PFKP: variants seen among roughly 807,000 people sequenced by gnomAD.
PFKP encodes ATP-dependent 6-phosphofructokinase, platelet type.
A neutral mutation model predicts 94.3 loss-of-function variants in PFKP; 101 were observed. That is an observed-to-expected ratio of 1.07 (90% confidence interval 0.91 to 1.26). The LOEUF (loss-of-function observed/expected upper bound fraction) is 1.26. Among genes scored for constraint, PFKP ranks in the 50% most tolerant of loss-of-function variants. The probability of loss-of-function intolerance (pLI) is 0.00; values close to 1 mark genes in which losing one functional copy is unlikely to be tolerated. For synonymous variants in PFKP, 573 were observed against 432.6 expected (o/e 1.32, Z -4.03); for missense variants, 1,145 against 1,103.3 (o/e 1.04, Z -0.53).
intron 2 of PFKP, among the ~76,000 whole-genome samples, chr10:3,084,504 T>C (rs1008108757): frequency 6.6e-6 from 1 of 152,216 alleles, no homozygotes; most frequent in African/African-American, 2.4e-5. Context: ...TTTGTATTTA[T>C]GCGATTTGGG....
rs1055555558 is a variant in PFKP at position 3,125,352 on chromosome 10, C to T, written c.1684-4467C>T. The T allele has an allele frequency of 4.8e-5, 43 of 895,198 alleles. 1 individual carries two copies. Among genetic ancestry groups the T allele is most frequent in the Non-Finnish European group, 6.2e-5 (43 of 692,128 alleles). The allele number at this position is 895,198 out of a possible 1,614,324, so 55.5% of individuals were successfully genotyped here. On this transcript the variant is annotated intron_variant, in intron 16 of 21. Coordinates refer to ENST00000381125, the MANE Select transcript of PFKP (RefSeq NM_002627.5). ...CCGGATTTATTCTTCTTCTTTTCTC[C>T]CCTTTGTTAGCTTGGCTTTATGTCA...
In PFKP at chr10:3,077,261, C is replaced by CTTTTTTTTTTTTTT. The variant is rs34485324; in HGVS notation, c.113-5121_113-5108dup. Among the ~76,000 whole-genome samples, 17 of 84,238 alleles carry CTTTTTTTTTTTTTT rather than the reference C, an allele frequency of 2.0e-4. 1 individual carries two copies. Among genetic ancestry groups the CTTTTTTTTTTTTTT allele is most frequent in the Non-Finnish European group, 2.3e-4 (11 of 47,826 alleles). 55.3% of individuals were successfully genotyped at this position (84,238 alleles called of 152,430 possible). On this transcript the variant is annotated intron_variant, in intron 1 of 21. Coordinates refer to ENST00000381125, the MANE Select transcript of PFKP (RefSeq NM_002627.5). ...CATCTATTCTTTACTTTTTTTTTTT[C>CTTTTTTTTTTTTTT]TTTTTTTTTTTTTTTTTTTGAGATG...
chr10:3,109,310 G>A, intron 9 of PFKP, 45 bp from the exon 10 acceptor site: 1 of 1,602,926 alleles, frequency 6.2e-7, no homozygotes, highest in Non-Finnish European at 8.5e-7. Context: ...CAGGGACAGG[G>A]CAGGACGGGA....
intron 1 of PFKP, among the ~76,000 whole-genome samples, chr10:3,072,351 T>C (rs956908570): frequency 2.6e-5 from 4 of 152,236 alleles, no homozygotes; most frequent in African/African-American, 9.6e-5. Flanking sequence ...GCACCTTTGG[T>C]GTCTGAAGCA....
intron 1 of PFKP, among the ~76,000 whole-genome samples, chr10:3,074,186 T>G (rs1220998497): frequency 6.6e-6 from 1 of 152,206 alleles, no homozygotes; most frequent in African/African-American, 2.4e-5. Flanking sequence ...CAGACTGCCT[T>G]GGGTGAGTCA....
In PFKP at chr10:3,067,727, C is replaced by A; in HGVS notation, c.112+20C>A. ...CTCAAGGTGCGCGCCCCCCTCCCGG[C>A]GGCGAGGGAGGGACGGACGGACGGA... On this transcript the variant is annotated intron_variant, in intron 1 of 21. Coordinates refer to ENST00000381125, the MANE Select transcript of PFKP (RefSeq NM_002627.5). The A allele has an allele frequency of 2.2e-6, 3 of 1,351,362 alleles. No individual in the cohort carries two copies. Among genetic ancestry groups the A allele is most frequent in the Non-Finnish European group, 3.0e-6 (3 of 1,003,550 alleles). 83.7% of individuals were successfully genotyped at this position (1,351,362 alleles called of 1,614,324 possible).
At chr10:3,107,682 G>A in intron 8 of PFKP, 3 of 954,428 alleles carry the variant, frequency 3.1e-6, no homozygotes, top group Non-Finnish European at 3.7e-6. Context: ...TGCCACAGTG[G>A]GAAAAGGCGG....
intron 16 of PFKP, 45 bp from the exon 17 acceptor site, chr10:3,129,774 G>T: frequency 6.2e-7 from 1 of 1,602,648 alleles, no homozygotes; most frequent in Non-Finnish European, 8.5e-7. Flanking sequence ...TGGTGGGCGC[G>T]CCCCGGGCCT....
intron 3 of PFKP, chr10:3,100,785 G>T: frequency 1.7e-6 from 1 of 579,500 alleles, no homozygotes; most frequent in Non-Finnish European, 3.1e-6. Flanking sequence ...CATGATCTAT[G>T]TCCCCTGGAA....
intron 6 of PFKP, 107 bp from the exon 7 acceptor site, chr10:3,105,286 T>G: frequency 7.7e-7 from 1 of 1,299,740 alleles, no homozygotes. Flanking sequence ...GCATCCCGCT[T>G]CATACCTGGC....
rs139812036 is a variant in PFKP at position 3,090,780 on chromosome 10, T to G, written c.186+8319T>G. 6.2e-3 allele frequency among the ~76,000 whole-genome samples: 946 copies of G among 152,236 alleles called. 12 individuals carry two copies. The highest frequency in any genetic ancestry group is 0.022 in the African/African-American group (916 of 41,554). ...TCCTATGGGGGGAAAATCACTCTTT[T>G]GGGGGACCGCTGTTCTAGACCTATT... is the stretch of plus-strand genomic sequence containing the variant. On this transcript the variant is annotated intron_variant, in intron 2 of 21. Coordinates refer to ENST00000381125, the MANE Select transcript of PFKP (RefSeq NM_002627.5).
chr10:3,121,803 C>CTTTTTTTTTTTTTT lies in PFKP; in HGVS notation c.1683+1773_1683+1786dup, dbSNP rs759926178. On this transcript the variant is annotated intron_variant, in intron 16 of 21. Transcript: ENST00000381125. ...TAGGTTAAACAATTTCTTTTTTTTTCTTTTTTTTTTTTTTTTTTTTTTTTT... is the reference window on the plus strand; with the variant it reads ...TAGGTTAAACAATTTCTTTTTTTTTCTTTTTTTTTTTTTTTTTTTTTTTTTTTTTTTTTTTTTTT... Among the ~76,000 whole-genome samples the CTTTTTTTTTTTTTT allele has an allele frequency of 1.3e-3, 41 of 32,616 alleles. 4 individuals are homozygous for CTTTTTTTTTTTTTT. Among genetic ancestry groups the CTTTTTTTTTTTTTT allele is most frequent in the Non-Finnish European group, 1.7e-3 (29 of 16,880 alleles). The allele number at this position is 32,616 out of a possible 152,430, so 21.4% of individuals were successfully genotyped here.
chr10:3,105,330 C>T (rs1042065286), intron 6 of PFKP, 63 bp from the exon 7 acceptor site: 5 of 1,432,736 alleles, frequency 3.5e-6, no homozygotes, highest in Middle Eastern at 2.1e-4. Flanking sequence ...GAGCGGGGTG[C>T]CTGGGCTGCC....
intron 16 of PFKP, among the ~76,000 whole-genome samples, chr10:3,121,988 A>AT (rs1413371963): frequency 4.6e-5 from 7 of 151,378 alleles, no homozygotes; most frequent in African/African-American, 1.7e-4. Flanking sequence ...TGCCCAGCTA[A>AT]TTTTTTGTAT....
chr10:3,106,585 TCCTTC>T (rs1835583555), intron 7 of PFKP, among the ~76,000 whole-genome samples: 1 of 113,058 alleles, frequency 8.8e-6, no homozygotes, highest in African/African-American at 3.2e-5. Context: ...GCCGCCCTGC[TCCTTC>T]ACCCCTGCCC....
At chr10:3,084,469 A>T (rs1419246032) in intron 2 of PFKP, among the ~76,000 whole-genome samples, 2 of 152,148 alleles carry the variant, frequency 1.3e-5, no homozygotes, top group Non-Finnish European at 2.9e-5. Context: ...GCTTTTATTC[A>T]ATTAAACTGG....
chr10:3,082,263 A>C (rs979429544), intron 1 of PFKP, 125 bp from the exon 2 acceptor site: 17 of 593,460 alleles, frequency 2.9e-5, no homozygotes, highest in African/African-American at 2.2e-4. Flanking sequence ...GTGTGTACCC[A>C]TTTCTCATAT....
In PFKP at chr10:3,136,636, TTAAG is replaced by T. The variant is rs1839402301; in HGVS notation, c.*59_*62del. 2.5e-6 allele frequency: 4 copies of T among 1,570,704 alleles called. No individual in the cohort carries two copies. The South Asian group carries it at 3.4e-5, about 13-fold the overall frequency. ...CGTGGACTGTCTGTTTTTGTAACAC[TTAAG>T]TTATTTTATCAGCACTTTATGCACG... On this transcript the variant is annotated 3_prime_UTR_variant, in exon 22 of 22. Coordinates refer to ENST00000381125, the MANE Select transcript of PFKP (RefSeq NM_002627.5).
intron 2 of PFKP, among the ~76,000 whole-genome samples, chr10:3,093,606 A>G: frequency 6.7e-6 from 1 of 148,576 alleles, no homozygotes; most frequent in Non-Finnish European, 1.5e-5. Context: ...TGACACATCC[A>G]GGGTGACGAT....
Sources: gnomAD v4.1 joint callset for allele counts (sites outside exome capture counted in the v4.1 genomes callset) on GRCh38, gnomAD v4.1.1 for gene constraint, MANE v1.5 for transcripts, NCBI Gene and HGNC (gene_info 2026-07-23, HGNC 2026-07-21) for gene names.